The following GAS2 variants were observed in gnomAD, a reference collection of about 807,000 sequenced individuals.
GAS2 encodes growth arrest specific 2.
Under a neutral mutation model 37.5 loss-of-function variants are expected in GAS2, and 20 were observed. That is an observed-to-expected ratio of 0.53 (90% CI 0.37 to 0.77). The LOEUF is 0.77. Among genes scored for constraint, GAS2 ranks in the 30% least tolerant of loss-of-function variants. The probability of loss-of-function intolerance (pLI) is 0.00; values close to 1 mark genes in which losing one functional copy is unlikely to be tolerated. For synonymous variants in GAS2, 144 were observed against 132.2 expected (o/e 1.09, Z -0.61); for missense variants, 336 against 373.4 (o/e 0.90, Z 0.82).
At chr11:22,648,064 G>T (rs1434054722) in intron 1 of GAS2, among the ~76,000 whole-genome samples, 2 of 152,134 alleles carry the variant, frequency 1.3e-5, no homozygotes, top group Non-Finnish European at 1.5e-5. Context: ...TAGGTCTAAC[G>T]TTTAAGTCTT....
chr11:22,772,818 G>A (rs2134436280), intron 7 of GAS2, among the ~76,000 whole-genome samples: 1 of 152,264 alleles, frequency 6.6e-6, no homozygotes. Context: ...TATATAGAAT[G>A]ACAGCATTGG....
chr11:22,762,361 T>C (rs1194720227), intron 7 of GAS2, among the ~76,000 whole-genome samples: 1 of 152,142 alleles, frequency 6.6e-6, no homozygotes, highest in Non-Finnish European at 1.5e-5. Flanking sequence ...TTCTAAACCA[T>C]ACAACTTGGA....
intron 7 of GAS2, among the ~76,000 whole-genome samples, chr11:22,761,515 C>A (rs1303198709): frequency 1.3e-5 from 2 of 152,076 alleles, no homozygotes; most frequent in African/African-American, 4.8e-5. Flanking sequence ...TACTTAATTG[C>A]AATTTATCAC....
chr11:22,703,204 A>G (rs558955028), intron 3 of GAS2, among the ~76,000 whole-genome samples: 1 of 152,288 alleles, frequency 6.6e-6, no homozygotes, highest in East Asian at 1.9e-4. Context: ...GAATTTTTCC[A>G]TGATGACATC....
At chr11:22,777,286 A>T (rs1480159375) in intron 7 of GAS2, among the ~76,000 whole-genome samples, 1 of 152,200 alleles carries the variant, frequency 6.6e-6, no homozygotes, top group Non-Finnish European at 1.5e-5. Context: ...GACAATAGGC[A>T]TTACCTCTTG....
At chr11:22,660,681 T>A (rs757074004) in intron 1 of GAS2, among the ~76,000 whole-genome samples, 1 of 152,212 alleles carries the variant, frequency 6.6e-6, no homozygotes, top group Admixed American at 6.5e-5. Context: ...TATTACAAAT[T>A]TACTATGCCT....
At chr11:22,729,125 G>GA (rs1229776505) in intron 4 of GAS2, among the ~76,000 whole-genome samples, 1 of 151,558 alleles carries the variant, frequency 6.6e-6, no homozygotes, top group Non-Finnish European at 1.5e-5. Flanking sequence ...CAAATAAAAT[G>GA]AAAAGATGCT....
At chr11:22,760,465 A>C (rs1206735921) in intron 7 of GAS2, among the ~76,000 whole-genome samples, 1 of 152,200 alleles carries the variant, frequency 6.6e-6, no homozygotes, top group Non-Finnish European at 1.5e-5. Context: ...CTGAAGTTTG[A>C]AAATCACTTT....
chr11:22,648,417 G>A (rs1293569157), intron 1 of GAS2, among the ~76,000 whole-genome samples: 4 of 152,196 alleles, frequency 2.6e-5, no homozygotes, highest in African/African-American at 9.6e-5. Context: ...GCTCTTTTTT[G>A]GTTCCATATG....
chr11:22,699,071 A>C (rs1287788604), intron 3 of GAS2, among the ~76,000 whole-genome samples: 1 of 152,162 alleles, frequency 6.6e-6, no homozygotes, highest in African/African-American at 2.4e-5. Context: ...GCCCCTGTGT[A>C]AATAGCATAG....
At chr11:22,632,797 C>G (rs1590549898) in intron 1 of GAS2, among the ~76,000 whole-genome samples, 1 of 151,398 alleles carries the variant, frequency 6.6e-6, no homozygotes. Context: ...AATTCAAAAA[C>G]CTTGTTTTCA....
Position 22,726,335 on chromosome 11 carries a change from C to G in GAS2, c.311C>G (p.Ser104Trp). Residue 104 changes from serine to tryptophan, a missense_variant, in exon 4 of 8, where the codon TCG becomes TGG. By Grantham distance (177) the Ser-to-Trp change is radical. Transcript: ENST00000454584. ...ATCCCATGCAAAACCAGTGCACCCT[C>G]GGGCTCCTTTTTTGCCAGAGACAAT... ...KKIPCKTSAP[S>W]GSFFARDNTA... The G allele has an allele frequency of 1.2e-6, 2 of 1,612,542 alleles. No homozygotes were observed. Among genetic ancestry groups the G allele is most frequent in the Non-Finnish European group, 1.7e-6 (2 of 1,179,262 alleles).
At position 22,811,938 on chromosome 11, in the gene GAS2, T is replaced by A; in HGVS notation, c.864T>A (p.Ser288=). Reference sequence around the variant, plus strand: ...AAACATCCCCTATCCAAAGCAAATCTCCAACTCTAAAGGACATGAATCCAG... The same window carrying A: ...AAACATCCCCTATCCAAAGCAAATCACCAACTCTAAAGGACATGAATCCAG... ...DGKTSPIQSK[S]PTLKDMNPDN... The change falls in exon 8 of 8, where the codon TCT becomes TCA. Residue 288 remains serine (S), a synonymous_variant. Transcript: ENST00000454584. The A allele has an allele frequency of 6.2e-7, 1 of 1,614,094 alleles. No homozygotes were observed. Among genetic ancestry groups the A allele is most frequent in the Non-Finnish European group, 8.5e-7 (1 of 1,180,014 alleles).
intron 7 of GAS2, among the ~76,000 whole-genome samples, chr11:22,782,247 G>T (rs1564886293): frequency 6.6e-6 from 1 of 152,166 alleles, no homozygotes; most frequent in Non-Finnish European, 1.5e-5. Context: ...GTGAGAGCTA[G>T]AGAGGACAGC....
chr11:22,803,264 G>A (rs147458994), intron 7 of GAS2, among the ~76,000 whole-genome samples: 11 of 152,216 alleles, frequency 7.2e-5, no homozygotes, highest in South Asian at 6.2e-4. Context: ...AGTGTATTCC[G>A]TCGTGTTACC....
chr11:22,677,756 T>C (rs1159417186), intron 2 of GAS2, among the ~76,000 whole-genome samples: 2 of 152,138 alleles, frequency 1.3e-5, no homozygotes, highest in African/African-American at 4.8e-5. Context: ...CTGGCTCTGC[T>C]ACTTGGTAGG....
intron 1 of GAS2, among the ~76,000 whole-genome samples, chr11:22,631,553 G>A (rs1858745252): frequency 6.6e-6 from 1 of 152,172 alleles, no homozygotes; most frequent in Middle Eastern, 3.4e-3. Context: ...TTTATTGATT[G>A]CTTTATCTGC....
At chr11:22,691,350 T>C (rs1468115216) in intron 3 of GAS2, among the ~76,000 whole-genome samples, 1 of 152,176 alleles carries the variant, frequency 6.6e-6, no homozygotes, top group African/African-American at 2.4e-5. Flanking sequence ...AAATAAGACA[T>C]AAAGATTAGA....
intron 2 of GAS2, among the ~76,000 whole-genome samples, chr11:22,680,545 G>C (rs987419336): frequency 6.6e-6 from 1 of 152,144 alleles, no homozygotes; most frequent in Non-Finnish European, 1.5e-5. Context: ...AATAGAATTT[G>C]ATAGTATCTG....
Sources: allele counts gnomAD v4.1 joint callset (sites outside exome capture counted in the v4.1 genomes callset), GRCh38; gene constraint gnomAD v4.1.1; transcripts MANE v1.5; gene names NCBI Gene and HGNC (gene_info 2026-07-23, HGNC 2026-07-21).